NFYC: variants seen among roughly 807,000 people sequenced by gnomAD.
NFYC encodes nuclear transcription factor Y subunit gamma, also known as CAAT box DNA-binding protein subunit C.
In NFYC, 25 loss-of-function variants were observed where a neutral mutation model predicts 53.1. That is an observed-to-expected ratio of 0.47 (90% CI 0.34 to 0.66). NFYC has a LOEUF of 0.66. Among genes scored for constraint, NFYC ranks in the 30% least tolerant of loss-of-function variants. NFYC has a pLI of 0.01. For synonymous variants in NFYC, 145 were observed against 152.6 expected (o/e 0.95, Z 0.37); for missense variants, 260 against 422.7 (o/e 0.62, Z 3.38).
At chr1:40,754,326 G>A (rs1267557496) in intron 5 of NFYC, 3 of 534,438 alleles carry the variant, frequency 5.6e-6, no homozygotes, top group African/African-American at 1.9e-5. Context: ...CTAGAGTAGG[G>A]TGTGCCTCAC....
At chr1:40,713,568 A>AAT (rs1346142531) in intron 1 of NFYC, among the ~76,000 whole-genome samples, 1 of 152,184 alleles carries the variant, frequency 6.6e-6, no homozygotes, top group Non-Finnish European at 1.5e-5. Flanking sequence ...TATTACTGAT[A>AAT]ATATATGCAT....
In NFYC at chr1:40,770,291, A is replaced by C. The variant is rs1647023431; in HGVS notation, c.889-418A>C. On this transcript the variant is annotated intron_variant, in intron 9 of 9. Transcript: ENST00000447388. The surrounding 1 kb of genome is among the most constrained non-coding windows in gnomAD (Gnocchi z 5.3). The stretch of plus-strand genomic sequence containing the variant: ...GATATTCTGAGAAAAGAAGGAGAGG[A>C]GGGGGTAATCCTACTGCCCCTGCCA... 1 of 1,043,884 alleles carries C rather than the reference A, an allele frequency of 9.6e-7. No individual in the cohort carries two copies. The highest frequency in any genetic ancestry group is 1.6e-5 in the African/African-American group (1 of 62,276). The allele number at this position is 1,043,884 out of a possible 1,614,324, so 64.7% of individuals were successfully genotyped here.
chr1:40,706,522 C>G (rs1232176275), intron 1 of NFYC, among the ~76,000 whole-genome samples: 2 of 152,022 alleles, frequency 1.3e-5, no homozygotes, highest in East Asian at 3.9e-4. Context: ...TAGAAAAGAG[C>G]TCGTCTACCT....
In NFYC at chr1:40,771,587, A is replaced by G; in HGVS notation, c.*759A>G. ...ACTTCAAGCTGCATGAAATGCAATA[A>G]ATCTCATTTTAGATAATTTAGAGTC... On this transcript the variant is annotated 3_prime_UTR_variant, in exon 10 of 10. Transcript: ENST00000447388. The G allele has an allele frequency of 6.0e-6, 2 of 334,912 alleles. No individual in the cohort carries two copies. The highest frequency in any genetic ancestry group is 4.7e-5 in the South Asian group (2 of 42,432). 20.7% of individuals were successfully genotyped at this position (334,912 alleles called of 1,614,324 possible). A position where few individuals can be genotyped will look rare whatever the true frequency, so the allele number is the denominator to read the frequency against.
intron 1 of NFYC, among the ~76,000 whole-genome samples, chr1:40,717,451 G>C (rs1483331181): frequency 3.9e-5 from 6 of 152,102 alleles, no homozygotes. Context: ...CAAGGTAAAG[G>C]TTTCATTGTT....
chr1:40,723,423 G>C (rs1033386794), intron 1 of NFYC: 1 of 152,108 alleles, frequency 6.6e-6, no homozygotes, highest in African/African-American at 2.4e-5. Context: ...TTATTTACTC[G>C]TTAGGCTGGA....
intron 1 of NFYC, among the ~76,000 whole-genome samples, chr1:40,725,842 A>AG (rs1355898147): frequency 6.6e-6 from 1 of 152,226 alleles, no homozygotes; most frequent in African/African-American, 2.4e-5. Context: ...GAGTCACACA[A>AG]ATTTGTTGGT....
intron 1 of NFYC, among the ~76,000 whole-genome samples, chr1:40,714,545 C>T (rs1644051370): frequency 6.6e-6 from 1 of 152,188 alleles, no homozygotes; most frequent in Admixed American, 6.5e-5. Flanking sequence ...CTAAAGTGTA[C>T]TGACTGAAGA....
At chr1:40,743,528 C>G (rs909879223) in intron 2 of NFYC, among the ~76,000 whole-genome samples, 7 of 152,214 alleles carry the variant, frequency 4.6e-5, no homozygotes, top group African/African-American at 1.7e-4. Context: ...TCTACTTACT[C>G]TTTACATCCC....
At chr1:40,741,977 C>T (rs1050670391) in intron 2 of NFYC, among the ~76,000 whole-genome samples, 1 of 152,098 alleles carries the variant, frequency 6.6e-6, no homozygotes, top group African/African-American at 2.4e-5. Flanking sequence ...GATTATAGCT[C>T]ACTGTAGCCT....
chr1:40,757,660 C>T (rs1003531088), intron 5 of NFYC, among the ~76,000 whole-genome samples: 3 of 152,216 alleles, frequency 2.0e-5, no homozygotes, highest in Non-Finnish European at 2.9e-5. Context: ...TGTTCTGTCC[C>T]CCTTGAAGTG....
At position 40,753,177 on chromosome 1, in the gene NFYC, A is replaced by G; in HGVS notation, c.318A>G (p.Thr106=). Residue 106 remains threonine (T), a synonymous_variant, in exon 5 of 10, where the codon ACA becomes ACG. Coordinates refer to ENST00000447388, the MANE Select transcript of NFYC (RefSeq NM_014223.5). The part of the protein sequence containing the change: ...LQRNDIAMAI[T]KFDQFDFLID... The stretch of plus-strand genomic sequence containing the variant: ...GAAATGATATCGCCATGGCAATTAC[A>G]AAATTTGATCAGTTTGATTTTCTCA... 6.2e-7 allele frequency: 1 copy of G among 1,613,802 alleles called. No individual in the cohort carries two copies. Among genetic ancestry groups the G allele is most frequent in the Non-Finnish European group, 8.5e-7 (1 of 1,179,768 alleles).
At chr1:40,746,520 G>A (rs967995240) in intron 2 of NFYC, among the ~76,000 whole-genome samples, 2 of 152,176 alleles carry the variant, frequency 1.3e-5, no homozygotes, top group Non-Finnish European at 2.9e-5. Context: ...ATAATGTGAT[G>A]ATGCAAATTC....
chr1:40,728,766 T>G (rs1644634866), intron 1 of NFYC, among the ~76,000 whole-genome samples: 1 of 151,932 alleles, frequency 6.6e-6, no homozygotes, highest in South Asian at 2.1e-4. Context: ...GCCTCTTGAG[T>G]AGCTGGGATT....
At chr1:40,723,957 A>G (rs2361645) in intron 1 of NFYC, among the ~76,000 whole-genome samples, 133,522 of 152,202 alleles carry the variant, frequency 0.88, 58,690 homozygotes, top group East Asian at 0.98. Flanking sequence ...GATTAGAGGC[A>G]TGAGCTACCA....
At chr1:40,722,910 G>T (rs1644378936) in intron 1 of NFYC, among the ~76,000 whole-genome samples, 1 of 152,186 alleles carries the variant, frequency 6.6e-6, no homozygotes, top group Non-Finnish European at 1.5e-5. Flanking sequence ...AAAGAAAAAA[G>T]AGTGACAGCT....
intron 1 of NFYC, among the ~76,000 whole-genome samples, chr1:40,701,894 C>G (rs908030074): frequency 2.0e-5 from 3 of 152,296 alleles, no homozygotes; most frequent in East Asian, 3.9e-4. Context: ...AGGTCACTCA[C>G]CTAAAAAGTG....
At chr1:40,752,480 G>C (rs1057340115) in intron 4 of NFYC, among the ~76,000 whole-genome samples, 2 of 152,082 alleles carry the variant, frequency 1.3e-5, no homozygotes, top group Middle Eastern at 6.3e-3. Context: ...CATTAGAGCA[G>C]GTCTTGGTTT....
At chr1:40,742,825 T>A (rs1645421840) in intron 2 of NFYC, among the ~76,000 whole-genome samples, 1 of 152,168 alleles carries the variant, frequency 6.6e-6, no homozygotes, top group South Asian at 2.1e-4. Context: ...TATTTTCCCC[T>A]CTTCTCAGGA....
Sources: gnomAD v4.1 joint callset for allele counts (sites outside exome capture counted in the v4.1 genomes callset) on GRCh38, gnomAD v4.1.1 for gene constraint, Gnocchi (gnomAD v3.1) non-coding constraint, MANE v1.5 for transcripts, NCBI Gene and HGNC (gene_info 2026-07-23, HGNC 2026-07-21) for gene names.